The following ARHGAP22 variants were observed in gnomAD, a reference collection of about 807,000 sequenced individuals.
ARHGAP22 encodes the protein rho GTPase-activating protein 22.
A neutral mutation model predicts 59.1 loss-of-function variants in ARHGAP22; 48 were observed. The ratio of observed to expected loss-of-function variants is 0.81; its 90% CI spans 0.64 to 1.03. The LOEUF (loss-of-function observed/expected upper bound fraction) is 1.03, where lower values mean the gene tolerates loss of function less well. Among genes scored for constraint, ARHGAP22 ranks in the 50% least tolerant of loss-of-function variants. The pLI, the probability that ARHGAP22 is intolerant of heterozygous loss-of-function variation, is 0.00. For synonymous variants in ARHGAP22, 445 were observed against 416.4 expected, an observed-to-expected ratio of 1.07 and a Z score of -0.84; for missense variants, 1,015 against 958.7, an observed-to-expected ratio of 1.06 and a Z score of -0.78.
chr10:48,532,680 C>T (rs2054969090), intron 3 of ARHGAP22: 1 of 145,524 alleles, frequency 6.9e-6, no homozygotes, highest in South Asian at 2.3e-4. Flanking sequence ...TGTTCCCCTT[C>T]CTGTGTCCAA....
intron 3 of ARHGAP22, among the ~76,000 whole-genome samples, chr10:48,517,952 G>A (rs927020083): frequency 3.9e-5 from 6 of 152,168 alleles, no homozygotes; most frequent in African/African-American, 9.7e-5. Flanking sequence ...TGAGGCCTGC[G>A]TGCCTATCCC....
intron 6 of ARHGAP22, among the ~76,000 whole-genome samples, 186 bp from the exon 7 acceptor site, chr10:48,454,347 G>A (rs1237439278): frequency 6.6e-6 from 1 of 152,196 alleles, no homozygotes; most frequent in African/African-American, 2.4e-5. Flanking sequence ...TGACCTCCTG[G>A]GAAGCTAACT....
rs1263847916 is a variant in ARHGAP22, at chr10:48,451,650, C to T, written c.989-510G>A. On this transcript the variant is annotated intron_variant, in intron 8 of 9. Coordinates refer to ENST00000249601, the MANE Select transcript of ARHGAP22 (RefSeq NM_021226.4). ...CATACAATTGCACACACAATGCACC[C>T]CGCCCACCCCCTAAAATACCCCCCA... 1.4e-5 allele frequency: 9 copies of T among 656,020 alleles called. No individual in the cohort carries two copies. In the Middle Eastern group the frequency reaches 2.1e-3, roughly 150 times the overall value. The allele number at this position is 656,020 out of a possible 1,614,324, so 40.6% of individuals were successfully genotyped here.
intron 3 of ARHGAP22, among the ~76,000 whole-genome samples, chr10:48,523,897 A>G (rs973854010): frequency 6.6e-6 from 1 of 151,904 alleles, no homozygotes; most frequent in Admixed American, 6.5e-5. Flanking sequence ...TTCCAAAGTT[A>G]GGAGACTCAG....
At chr10:48,618,993 T>A (rs576937089) in intron 1 of ARHGAP22, among the ~76,000 whole-genome samples, 2 of 152,116 alleles carry the variant, frequency 1.3e-5, no homozygotes, top group South Asian at 2.1e-4. Context: ...ATAAACAAAT[T>A]CAGTAAATTT....
intron 1 of ARHGAP22, among the ~76,000 whole-genome samples, chr10:48,616,376 A>C (rs1674780617): frequency 1.3e-5 from 2 of 152,162 alleles, no homozygotes; most frequent in Admixed American, 6.5e-5. Context: ...ATATGCCTAC[A>C]TATGCATAGA....
chr10:48,481,547 CA>C (rs200468229), intron 3 of ARHGAP22, among the ~76,000 whole-genome samples: 1,768 of 152,338 alleles, frequency 0.012, 18 homozygotes, highest in African/African-American at 0.023. Flanking sequence ...CCAAGTCACA[CA>C]AGCTTCAGGC....
intron 2 of ARHGAP22, among the ~76,000 whole-genome samples, chr10:48,582,108 T>A (rs1168210570): frequency 6.6e-6 from 1 of 152,188 alleles, no homozygotes; most frequent in Non-Finnish European, 1.5e-5. Context: ...GTCCCCTCTC[T>A]GCCCCCAAGC....
chr10:48,491,944 C>T (rs1027702110), intron 3 of ARHGAP22, among the ~76,000 whole-genome samples: 12 of 152,230 alleles, frequency 7.9e-5, no homozygotes, highest in African/African-American at 2.9e-4. Context: ...TTCAAGGGCA[C>T]CAGCCCCAGG....
chr10:48,552,497 C>T (rs1260575603), intron 3 of ARHGAP22, among the ~76,000 whole-genome samples: 1 of 152,282 alleles, frequency 6.6e-6, no homozygotes, highest in Non-Finnish European at 1.5e-5. Flanking sequence ...CCTGGATTTC[C>T]TCTTGGTCTT....
intron 9 of ARHGAP22, among the ~76,000 whole-genome samples, chr10:48,447,159 G>A (rs993708094): frequency 2.0e-5 from 3 of 152,188 alleles, no homozygotes; most frequent in Non-Finnish European, 2.9e-5. Context: ...TACTTCCTGT[G>A]ATCCTCCCCA....
chr10:48,656,067 CG>C, upstream of ARHGAP22: 1 of 152,634 alleles, frequency 6.6e-6, no homozygotes, highest in Non-Finnish European at 1.5e-5. Flanking sequence ...CTCGGCCGCC[CG>C]GGGCCTGCCT....
intron 3 of ARHGAP22, among the ~76,000 whole-genome samples, chr10:48,487,506 C>T (rs928948686): frequency 2.6e-5 from 4 of 152,122 alleles, no homozygotes; most frequent in African/African-American, 9.7e-5. Context: ...GATGTGTCTA[C>T]AGCAGAAGGG....
intron 3 of ARHGAP22, among the ~76,000 whole-genome samples, chr10:48,533,330 A>G (rs867976311): frequency 6.6e-6 from 1 of 152,004 alleles, no homozygotes; most frequent in African/African-American, 2.4e-5. Context: ...TCTGTTGATG[A>G]GACTTGTCTC....
At chr10:48,611,512 T>A (rs2060883905) in intron 1 of ARHGAP22, among the ~76,000 whole-genome samples, 1 of 152,202 alleles carries the variant, frequency 6.6e-6, no homozygotes, top group Non-Finnish European at 1.5e-5. Context: ...TCTGAAATGA[T>A]TCCCTTCCCT....
At chr10:48,562,225 C>CAAAA (rs372671006) in intron 2 of ARHGAP22, among the ~76,000 whole-genome samples, 1 of 138,502 alleles carries the variant, frequency 7.2e-6, no homozygotes, top group Admixed American at 7.2e-5. Flanking sequence ...GACTCCATCT[C>CAAAA]AAAAAAAAAA....
chr10:48,574,296 G>A (rs918933916), intron 2 of ARHGAP22, among the ~76,000 whole-genome samples: 8 of 152,132 alleles, frequency 5.3e-5, no homozygotes, highest in African/African-American at 1.9e-4. Context: ...TACCAATTAT[G>A]TGTCAAGTAC....
intron 2 of ARHGAP22, among the ~76,000 whole-genome samples, chr10:48,561,477 A>G (rs1198570672): frequency 3.9e-5 from 6 of 152,206 alleles, no homozygotes; most frequent in Admixed American, 2.6e-4. Flanking sequence ...GACTCAAAAA[A>G]GAACTAATTG....
chr10:48,454,232 G>A, intron 6 of ARHGAP22, 71 bp from the exon 7 acceptor site: 2 of 1,403,248 alleles, frequency 1.4e-6, no homozygotes, highest in Non-Finnish European at 2.0e-6. Flanking sequence ...TGCGAGGAGG[G>A]GTGGGCAAAG....
Sources: allele counts gnomAD v4.1 joint callset (sites outside exome capture counted in the v4.1 genomes callset), GRCh38; gene constraint gnomAD v4.1.1; transcripts MANE v1.5; gene names NCBI Gene and HGNC (gene_info 2026-07-23, HGNC 2026-07-21).